RBL1: variants seen among roughly 807,000 people sequenced by gnomAD.
RBL1 encodes RB transcriptional corepressor like 1.
In RBL1, 82 loss-of-function variants were observed where a neutral mutation model predicts 123.0. The ratio of observed to expected loss-of-function variants is 0.67; its 90% CI spans 0.56 to 0.80. The LOEUF (loss-of-function observed/expected upper bound fraction) is 0.80, where lower values mean the gene tolerates loss of function less well. RBL1 is among the 30% of genes least tolerant of loss of function. RBL1 has a pLI of 0.00. For synonymous variants in RBL1, 405 were observed against 441.3 expected, an observed-to-expected ratio of 0.92 and a Z score of 1.03; for missense variants, 1,171 against 1,299.6, an observed-to-expected ratio of 0.90 and a Z score of 1.52.
chr20:37,057,767 T>C (rs192806369), intron 9 of RBL1, among the ~76,000 whole-genome samples: 91 of 152,222 alleles, frequency 6.0e-4, no homozygotes, highest in Non-Finnish European at 3.8e-4. Flanking sequence ...GGTAGGTGGA[T>C]CACTTGAGGC....
At chr20:37,089,710 C>G (rs1388898770) in intron 1 of RBL1, among the ~76,000 whole-genome samples, 1 of 151,508 alleles carries the variant, frequency 6.6e-6, no homozygotes, top group Non-Finnish European at 1.5e-5. Flanking sequence ...AAATCTAATA[C>G]AGGCATATGC....
In RBL1 at chr20:37,006,641, C is replaced by A. The variant is rs548209839; in HGVS notation, c.2871+770G>T. 1.1e-4 allele frequency among the ~76,000 whole-genome samples: 17 copies of A among 150,820 alleles called. No homozygotes were observed. The South Asian group carries it at 3.5e-3, about 31-fold the overall frequency. The stretch of plus-strand genomic sequence containing the variant: ...GGATCACAAGGTCAGGAGTTCAAGA[C>A]CAGCCTGGCCAACATGGTGAAACCC... On this transcript the variant is annotated intron_variant, in intron 20 of 21. Transcript: ENST00000373664.
chr20:37,014,918 C>T (rs2064225380), intron 19 of RBL1, among the ~76,000 whole-genome samples: 1 of 151,950 alleles, frequency 6.6e-6, no homozygotes, highest in African/African-American at 2.4e-5. Context: ...CAAAAATTAG[C>T]TGGGCCTGGT....
intron 2 of RBL1, among the ~76,000 whole-genome samples, chr20:37,084,147 G>C (rs917215156): frequency 6.6e-6 from 1 of 151,800 alleles, no homozygotes; most frequent in Non-Finnish European, 1.5e-5. Context: ...AGATCTGCCC[G>C]CCTTGGCCTC....
At chr20:37,068,764 CG>C (rs1434751559) in intron 2 of RBL1, among the ~76,000 whole-genome samples, 1 of 152,184 alleles carries the variant, frequency 6.6e-6, no homozygotes, top group Non-Finnish European at 1.5e-5. Context: ...CACCTGAGAT[CG>C]GGAGTTCAAG....
intron 19 of RBL1, among the ~76,000 whole-genome samples, chr20:37,017,491 T>G (rs2064274451): frequency 1.3e-5 from 2 of 151,982 alleles, no homozygotes; most frequent in African/African-American, 4.8e-5. Context: ...AACCATTTGA[T>G]TTTTCTTTCT....
rs536970057 is a variant in RBL1, at chr20:37,046,219, T to C, written c.1605+834A>G. 1.4e-3 allele frequency among the ~76,000 whole-genome samples: 213 copies of C among 152,318 alleles called. 3 individuals carry two copies. Among genetic ancestry groups the C allele is most frequent in the South Asian group, 2.3e-3 (11 of 4,828 alleles). ...AATCAATTTTAGGTCTTCCTTCCTC[T>C]TGGTAGAAAGCGTTTTTTGTTCTTC... On this transcript the variant is annotated intron_variant, in intron 12 of 21. Coordinates refer to ENST00000373664, the MANE Select transcript of RBL1 (RefSeq NM_002895.5).
chr20:37,083,400 G>C, intron 2 of RBL1, among the ~76,000 whole-genome samples: 1 of 151,866 alleles, frequency 6.6e-6, no homozygotes. Flanking sequence ...CCCAGAAGGC[G>C]GAGGTTGCAA....
At chr20:37,058,153 G>T (rs76549670) in intron 9 of RBL1, among the ~76,000 whole-genome samples, 1 of 124,454 alleles carries the variant, frequency 8.0e-6, no homozygotes, top group East Asian at 3.5e-4. Flanking sequence ...AAAAAAAAAA[G>T]CCTATTCCAG....
chr20:37,062,083 C>A lies in RBL1; in HGVS notation c.1083+1G>T, dbSNP rs752568856. On this transcript the variant is annotated splice_donor_variant, in intron 8 of 21. Transcript: ENST00000373664. LOFTEE classifies it high-confidence loss of function. ...ATTGAGGCCAGGCTAGGTTATATTA[C>A]TTTTTCAAAGTGCTGTTGAAGGTTA... 1 of 1,609,996 alleles carries A rather than the reference C, an allele frequency of 6.2e-7. No homozygotes were observed. The highest frequency in any genetic ancestry group is 8.5e-7 in the Non-Finnish European group (1 of 1,177,738).
In RBL1 at chr20:37,095,937, G is replaced by A; in HGVS notation, c.-9C>T. On this transcript the variant is annotated 5_prime_UTR_variant, in exon 1 of 22. Transcript: ENST00000373664. Reference sequence around the variant, plus strand: ...GGCTTGTCCTCGAACATCCCTTCAGGCCCCGCGGGCTGCGCGCCACGGCCC... The same window carrying A: ...GGCTTGTCCTCGAACATCCCTTCAGACCCCGCGGGCTGCGCGCCACGGCCC... 1 of 1,533,146 alleles carries A rather than the reference G, an allele frequency of 6.5e-7. No homozygotes were observed. The highest frequency in any genetic ancestry group is 1.2e-5 in the South Asian group (1 of 83,762). The allele number at this position is 1,533,146 out of a possible 1,614,324, so 95.0% of individuals were successfully genotyped here. A position where few individuals can be genotyped will look rare whatever the true frequency, so the allele number is the denominator to read the frequency against.
At chr20:36,999,728 G>A (rs1207599884) in intron 21 of RBL1, among the ~76,000 whole-genome samples, 2 of 152,350 alleles carry the variant, frequency 1.3e-5, no homozygotes, top group South Asian at 4.1e-4. Context: ...TCCTAACCGC[G>A]AGTGATCCGC....
intron 2 of RBL1, among the ~76,000 whole-genome samples, chr20:37,085,325 G>A (rs1184520474): frequency 2.0e-5 from 3 of 151,304 alleles, no homozygotes; most frequent in Non-Finnish European, 2.9e-5. Flanking sequence ...TAGTAAAGAC[G>A]GTGTTTCATC....
intron 19 of RBL1, among the ~76,000 whole-genome samples, chr20:37,014,072 C>T (rs2064209129): frequency 6.6e-6 from 1 of 150,932 alleles, no homozygotes; most frequent in South Asian, 2.1e-4. Flanking sequence ...TATCCTCCTA[C>T]ATAACTTTCT....
chr20:37,041,693 T>A (rs969424188), intron 13 of RBL1, among the ~76,000 whole-genome samples: 4 of 152,050 alleles, frequency 2.6e-5, no homozygotes, highest in Non-Finnish European at 1.5e-5. Context: ...CATTTGAAAA[T>A]TTTTAAGTAA....
intron 9 of RBL1, among the ~76,000 whole-genome samples, chr20:37,056,985 A>ATTTC (rs150703987): frequency 7.1e-6 from 1 of 140,384 alleles, no homozygotes; most frequent in African/African-American, 2.7e-5. Flanking sequence ...TCATATCTCT[A>ATTTC]TTTCTTTCTA....
intron 21 of RBL1, among the ~76,000 whole-genome samples, chr20:37,000,416 T>G (rs1185988638): frequency 1.5e-4 from 13 of 85,026 alleles, no homozygotes; most frequent in South Asian, 4.2e-4. Context: ...AGGAGGGAGG[T>G]GGGGGGGTCA....
Position 37,067,059 on chromosome 20 carries a change from C to T in RBL1, c.619G>A (p.Asp207Asn), listed in dbSNP as rs771931850. Reference sequence around the variant, plus strand: ...ATAATCGCATTGGCAAAAATCAGATCCAAGCAGCATAGAAGTAAATGATAA... The same window carrying T: ...ATAATCGCATTGGCAAAAATCAGATTCAAGCAGCATAGAAGTAAATGATAA... ...NSYHLLLCCLDLIFANAIMCP... is the reference protein window; with the variant it reads ...NSYHLLLCCLNLIFANAIMCP... The change falls in exon 5 of 22, where the codon GAT (aspartate) becomes AAT (asparagine). Residue 207 changes from aspartate (D) to asparagine (N), a missense_variant. Asp to Asn is a conservative substitution (Grantham distance 23). Transcript: ENST00000373664. 6.2e-7 allele frequency: 1 copy of T among 1,611,594 alleles called. No homozygotes were observed. Among genetic ancestry groups the T allele is most frequent in the East Asian group, 2.2e-5 (1 of 44,824 alleles).
intron 15 of RBL1, among the ~76,000 whole-genome samples, 198 bp from the exon 16 acceptor site, chr20:37,033,074 G>C (rs1054579333): frequency 1.4e-5 from 2 of 148,046 alleles, no homozygotes; most frequent in African/African-American, 5.0e-5. Context: ...CTGGAGTGCA[G>C]TGGCGCCATC....
Sources: allele counts gnomAD v4.1 joint callset (sites outside exome capture counted in the v4.1 genomes callset), GRCh38; gene constraint gnomAD v4.1.1; transcripts MANE v1.5; gene names NCBI Gene and HGNC (gene_info 2026-07-23, HGNC 2026-07-21).